Variants in STK32B observed in about 807,000 individuals in gnomAD.
STK32B encodes serine/threonine kinase 32B.
A neutral mutation model predicts 52.6 loss-of-function variants in STK32B; 43 were observed. The ratio of observed to expected loss-of-function variants is 0.82; its 90% confidence interval spans 0.64 to 1.05. STK32B has a LOEUF of 1.05. Ranked by LOEUF, STK32B falls within the 50% of genes least tolerant of loss-of-function variation. The probability of loss-of-function intolerance (pLI) is 0.00; values close to 1 mark genes in which losing one functional copy is unlikely to be tolerated. For synonymous variants in STK32B, 238 were observed against 204.3 expected (o/e 1.17, Z -1.41); for missense variants, 621 against 534.6 (o/e 1.16, Z -1.59).
chr4:5,178,540 C>A (rs1481548268), intron 3 of STK32B, among the ~76,000 whole-genome samples: 1 of 152,210 alleles, frequency 6.6e-6, no homozygotes, highest in Non-Finnish European at 1.5e-5. Context: ...TGAATTTCTT[C>A]CCCGAAAATG....
At chr4:5,474,425 T>C (rs1305179555) in intron 11 of STK32B, among the ~76,000 whole-genome samples, 2 of 152,234 alleles carry the variant, frequency 1.3e-5, no homozygotes, top group Non-Finnish European at 2.9e-5. Context: ...ATTCTTTGAC[T>C]TTACCAAGGT....
upstream of STK32B, among the ~76,000 whole-genome samples, chr4:5,049,953 TG>T (rs1741698992): frequency 6.6e-6 from 1 of 152,206 alleles, no homozygotes; most frequent in Non-Finnish European, 1.5e-5. Flanking sequence ...TAGCACCTTC[TG>T]GACTCAGATG....
intron 11 of STK32B, among the ~76,000 whole-genome samples, chr4:5,490,856 G>C (rs936130438): frequency 6.6e-6 from 1 of 152,248 alleles, no homozygotes; most frequent in African/African-American, 2.4e-5. Context: ...AGTTTACTGA[G>C]AATGATGATT....
intron 1 of STK32B, among the ~76,000 whole-genome samples, chr4:5,074,466 A>G (rs1233556343): frequency 2.0e-5 from 3 of 152,070 alleles, no homozygotes; most frequent in East Asian, 1.9e-4. Context: ...AAATTCTGCT[A>G]ATTTCAACAT....
At chr4:5,431,943 A>T (rs535099697) in intron 6 of STK32B, among the ~76,000 whole-genome samples, 1 of 152,270 alleles carries the variant, frequency 6.6e-6, no homozygotes, top group East Asian at 1.9e-4. Flanking sequence ...GCACACTTTA[A>T]TGCAATGAAT....
intron 3 of STK32B, among the ~76,000 whole-genome samples, chr4:5,231,392 C>T (rs1309231356): frequency 6.6e-6 from 1 of 152,172 alleles, no homozygotes; most frequent in Non-Finnish European, 1.5e-5. Flanking sequence ...GGAAAGATCG[C>T]TTGAGGCCAG....
At chr4:5,270,209 A>G (rs1051625724) in intron 3 of STK32B, among the ~76,000 whole-genome samples, 10 of 152,202 alleles carry the variant, frequency 6.6e-5, no homozygotes, top group African/African-American at 2.4e-4. Context: ...GTATTGACTC[A>G]CACGATTACA....
At chr4:5,478,356 T>A (rs1347481517) in intron 11 of STK32B, among the ~76,000 whole-genome samples, 1 of 152,168 alleles carries the variant, frequency 6.6e-6, no homozygotes, top group African/African-American at 2.4e-5. Flanking sequence ...AGAGAATCCC[T>A]TGCGTTTTGC....
intron 11 of STK32B, among the ~76,000 whole-genome samples, chr4:5,496,901 G>C (rs1451920111): frequency 3.9e-5 from 6 of 152,118 alleles, no homozygotes; most frequent in African/African-American, 1.4e-4. Flanking sequence ...GACTAGCTAA[G>C]GAGTTTTAGA....
At chr4:5,318,494 T>C (rs1731267026) in intron 3 of STK32B, among the ~76,000 whole-genome samples, 2 of 152,098 alleles carry the variant, frequency 1.3e-5, no homozygotes, top group South Asian at 4.1e-4. Flanking sequence ...AGGAGCAAGA[T>C]AAAATGAAAT....
intron 1 of STK32B, among the ~76,000 whole-genome samples, chr4:5,061,402 C>G (rs1330105231): frequency 6.6e-6 from 1 of 152,162 alleles, no homozygotes; most frequent in Non-Finnish European, 1.5e-5. Flanking sequence ...AACATATTAA[C>G]CAAGTTCATT....
At chr4:5,087,378 G>T (rs1301156948) in intron 1 of STK32B, among the ~76,000 whole-genome samples, 1 of 151,896 alleles carries the variant, frequency 6.6e-6, no homozygotes, top group South Asian at 2.1e-4. Context: ...GGCAGTAATA[G>T]AGGAATTGAC....
chr4:5,497,820 C>G lies in STK32B; in HGVS notation c.1107-1125C>G, dbSNP rs181813848. Among the ~76,000 whole-genome samples, 412 of 152,300 alleles carry G rather than the reference C, an allele frequency of 2.7e-3. 5 individuals are homozygous for G. The highest frequency in any genetic ancestry group is 9.4e-3 in the African/African-American group (390 of 41,572). ...TGCATATAAGCAGCATACACAGAGG[C>G]TTGCTGGGTGAAACAGCTCTTTCAT... On this transcript the variant is annotated intron_variant, in intron 11 of 11. Transcript: ENST00000282908.
At chr4:5,036,081 T>TA in the STK32B span, among the ~76,000 whole-genome samples, 40 of 148,736 alleles carry the variant, frequency 2.7e-4, no homozygotes, top group African/African-American at 3.2e-4. Context: ...CGTGCCTGGC[T>TA]AAAAAAAAAA....
At chr4:5,431,196 G>A (rs142646655) in intron 6 of STK32B, among the ~76,000 whole-genome samples, 1 of 152,354 alleles carries the variant, frequency 6.6e-6, no homozygotes, top group East Asian at 1.9e-4. Flanking sequence ...AGTGTGACCT[G>A]AGCAAAGTCA....
At chr4:5,484,858 G>T (rs1475821178) in intron 11 of STK32B, among the ~76,000 whole-genome samples, 1 of 152,134 alleles carries the variant, frequency 6.6e-6, no homozygotes, top group African/African-American at 2.4e-5. Flanking sequence ...AGCATAGTTT[G>T]GCTGGATATG....
intron 6 of STK32B, chr4:5,437,998 T>A (rs1714253227): frequency 2.0e-6 from 2 of 985,514 alleles, no homozygotes; most frequent in South Asian, 9.4e-5. Context: ...GCTTGTCTGA[T>A]CATGACAGCC....
At chr4:5,216,675 T>C (rs1723201777) in intron 3 of STK32B, among the ~76,000 whole-genome samples, 1 of 152,002 alleles carries the variant, frequency 6.6e-6, no homozygotes, top group East Asian at 1.9e-4. Context: ...AGACAGCCAG[T>C]GTGATGGATG....
At chr4:5,320,057 G>A (rs1731384904) in intron 3 of STK32B, among the ~76,000 whole-genome samples, 1 of 152,152 alleles carries the variant, frequency 6.6e-6, no homozygotes, top group Non-Finnish European at 1.5e-5. Flanking sequence ...GCAGGAGGGT[G>A]GAACAGACAC....
Sources: gnomAD v4.1 joint callset for allele counts (sites outside exome capture counted in the v4.1 genomes callset) on GRCh38, gnomAD v4.1.1 for gene constraint, MANE v1.5 for transcripts, NCBI Gene and HGNC (gene_info 2026-07-23, HGNC 2026-07-21) for gene names.